Variants in USH2A observed in about 807,000 individuals in gnomAD.
USH2A encodes the protein usherin.
In USH2A, 443 loss-of-function variants were observed where a neutral mutation model predicts 538.9. The ratio of observed to expected loss-of-function variants is 0.82; its 90% CI spans 0.76 to 0.89. USH2A has a LOEUF of 0.89. USH2A is among the 40% of genes least tolerant of loss of function. USH2A has a pLI of 0.00. For synonymous variants in USH2A, 2,413 were observed against 2,273.5 expected, an observed-to-expected ratio of 1.06 and a Z score of -1.75; for missense variants, 6,633 against 6,324.8, an observed-to-expected ratio of 1.05 and a Z score of -1.65.
chr1:216,257,423 C>A (rs957440346), intron 11 of USH2A, among the ~76,000 whole-genome samples: 2 of 152,014 alleles, frequency 1.3e-5, no homozygotes, highest in South Asian at 4.1e-4. Flanking sequence ...TTGTATTTAA[C>A]ACGTCTTTTT....
intron 55 of USH2A, among the ~76,000 whole-genome samples, chr1:215,777,052 TAAAAC>T (rs1661486606): frequency 6.6e-6 from 1 of 152,112 alleles, no homozygotes; most frequent in African/African-American, 2.4e-5. Context: ...CCATAGAAAT[TAAAAC>T]AAATCAAAAG....
intron 9 of USH2A, among the ~76,000 whole-genome samples, chr1:216,319,218 G>GT (rs1194099566): frequency 6.6e-6 from 1 of 152,150 alleles, no homozygotes; most frequent in African/African-American, 2.4e-5. Flanking sequence ...TTATAAGGAA[G>GT]TAAGTGTCCA....
At chr1:216,003,334 T>C (rs768359277) in intron 32 of USH2A, among the ~76,000 whole-genome samples, 11 of 152,120 alleles carry the variant, frequency 7.2e-5, no homozygotes, top group South Asian at 2.1e-4. Flanking sequence ...TTTTAGAAGA[T>C]AGCATGTCTT....
At chr1:215,923,539 G>GA (rs980709939) in intron 38 of USH2A, among the ~76,000 whole-genome samples, 8 of 151,938 alleles carry the variant, frequency 5.3e-5, no homozygotes, top group African/African-American at 1.7e-4. Context: ...TGTCATTCCT[G>GA]AAAAAAAATC....
At chr1:216,220,684 T>C (rs1331509809) in intron 14 of USH2A, among the ~76,000 whole-genome samples, 2 of 151,884 alleles carry the variant, frequency 1.3e-5, no homozygotes, top group East Asian at 3.9e-4. Flanking sequence ...GAAATGGTGA[T>C]AGATAAACCT....
chr1:215,792,824 G>T (rs1662017909), intron 50 of USH2A, among the ~76,000 whole-genome samples: 1 of 152,124 alleles, frequency 6.6e-6, no homozygotes, highest in African/African-American at 2.4e-5. Context: ...TTTTAAATAT[G>T]CCCAAAGAAA....
intron 61 of USH2A, among the ~76,000 whole-genome samples, chr1:215,698,903 C>T (rs1166183984): frequency 1.3e-5 from 2 of 152,164 alleles, no homozygotes; most frequent in African/African-American, 4.8e-5. Flanking sequence ...TTGCCCATGC[C>T]TATGTCCTGA....
rs181781935 is a variant in USH2A, at chr1:216,313,463, G to T, written c.1644+8420C>A. On this transcript the variant is annotated intron_variant, in intron 9 of 71. Coordinates refer to ENST00000307340, the MANE Select transcript of USH2A (RefSeq NM_206933.4). ...GAATGGCTAGAGGGAGCTGAAGTTG[G>T]AGTTTACCCCTTCCCTTTAAATGCT... Among the ~76,000 whole-genome samples, 1,030 of 152,192 alleles carry T rather than the reference G, an allele frequency of 6.8e-3. 18 individuals carry two copies. The highest frequency in any genetic ancestry group is 0.024 in the African/African-American group (999 of 41,520).
intron 64 of USH2A, among the ~76,000 whole-genome samples, chr1:215,666,108 CAG>C: frequency 6.6e-6 from 1 of 152,254 alleles, no homozygotes; most frequent in Non-Finnish European, 1.5e-5. Flanking sequence ...GCTAATCCTC[CAG>C]AGTGTTATCC....
At chr1:215,977,893 A>G (rs78778339) in intron 35 of USH2A, among the ~76,000 whole-genome samples, 1,853 of 152,320 alleles carry the variant, frequency 0.012, 29 homozygotes, top group East Asian at 0.064. Flanking sequence ...TGAGAAGCCA[A>G]GGCAAGTGAA....
At chr1:216,409,117 G>A (rs186433009) in intron 3 of USH2A, among the ~76,000 whole-genome samples, 1 of 152,044 alleles carries the variant, frequency 6.6e-6, no homozygotes, top group African/African-American at 2.4e-5. Context: ...AGAAGCAGGT[G>A]AAACAATCGC....
intron 21 of USH2A, among the ~76,000 whole-genome samples, chr1:216,159,779 A>T (rs2034018185): frequency 6.6e-6 from 1 of 151,980 alleles, no homozygotes; most frequent in Admixed American, 6.6e-5. Context: ...CAATCGGGCC[A>T]CCTTCCCTGG....
intron 60 of USH2A, among the ~76,000 whole-genome samples, chr1:215,739,801 G>C (rs2102724054): frequency 6.6e-6 from 1 of 152,162 alleles, no homozygotes; most frequent in African/African-American, 2.4e-5. Context: ...GCTCATCACT[G>C]AAGACTGATG....
intron 11 of USH2A, among the ~76,000 whole-genome samples, chr1:216,256,333 T>G (rs2036258730): frequency 6.6e-6 from 1 of 151,270 alleles, no homozygotes. Flanking sequence ...TTTTTTTTTT[T>G]TTGCCTGTTT....
intron 30 of USH2A, among the ~76,000 whole-genome samples, chr1:216,059,606 C>G (rs1009267976): frequency 1.3e-5 from 2 of 151,956 alleles, no homozygotes; most frequent in Admixed American, 1.3e-4. Flanking sequence ...TACCCATTTC[C>G]AAAATATGTA....
At chr1:215,773,510 CTGT>C (rs1661358814) in intron 55 of USH2A, among the ~76,000 whole-genome samples, 1 of 101,536 alleles carries the variant, frequency 9.8e-6, no homozygotes, top group African/African-American at 4.8e-5. Flanking sequence ...CTCTCTCTCT[CTGT>C]CTCTCTCTCT....
intron 21 of USH2A, among the ~76,000 whole-genome samples, chr1:216,129,896 T>C (rs910256671): frequency 3.9e-5 from 6 of 151,960 alleles, no homozygotes; most frequent in African/African-American, 1.4e-4. Flanking sequence ...AACCCAGAAA[T>C]AAATCTGCAT....
intron 44 of USH2A, among the ~76,000 whole-genome samples, chr1:215,864,267 A>G (rs371480887): frequency 6.6e-6 from 1 of 152,192 alleles, no homozygotes; most frequent in African/African-American, 2.4e-5. Flanking sequence ...GGTACTTTCT[A>G]TAATTTTTGG....
intron 35 of USH2A, among the ~76,000 whole-genome samples, chr1:215,984,200 C>A (rs139638564): frequency 1.3e-5 from 2 of 152,024 alleles, no homozygotes; most frequent in Non-Finnish European, 2.9e-5. Context: ...AAATATTCAC[C>A]ATAAAAAATC....
Sources: gnomAD v4.1 joint callset for allele counts (sites outside exome capture counted in the v4.1 genomes callset) on GRCh38, gnomAD v4.1.1 for gene constraint, MANE v1.5 for transcripts, NCBI Gene and HGNC (gene_info 2026-07-23, HGNC 2026-07-21) for gene names.